LAMB1: variants seen among roughly 807,000 people sequenced by gnomAD.
The protein encoded by LAMB1 is laminin subunit beta 1.
LAMB1 carries 121 observed loss-of-function variants against 222.3 expected under a neutral mutation model. That is an observed-to-expected ratio of 0.54 (90% CI 0.47 to 0.63). The LOEUF is 0.63. Among genes scored for constraint, LAMB1 ranks in the 30% least tolerant of loss-of-function variants. The pLI, the probability that LAMB1 is intolerant of heterozygous loss-of-function variation, is 0.00. For synonymous variants in LAMB1, 794 were observed against 807.2 expected (o/e 0.98, Z 0.28); for missense variants, 2,172 against 2,240.8 (o/e 0.97, Z 0.62).
At chr7:107,981,761 C>T (rs935011095) in intron 7 of LAMB1, among the ~76,000 whole-genome samples, 3 of 152,170 alleles carry the variant, frequency 2.0e-5, no homozygotes, top group Non-Finnish European at 2.9e-5. Context: ...TATCAAAGCA[C>T]TCCAGTTCTC....
intron 28 of LAMB1, 92 bp downstream of exon 28, chr7:107,932,082 G>T: frequency 2.7e-6 from 3 of 1,126,420 alleles, no homozygotes; most frequent in Non-Finnish European, 4.0e-6. Context: ...ATTTCAGTTA[G>T]CATTTAGAAT....
At chr7:107,986,140 T>C (rs748933011) in intron 6 of LAMB1, 35 bp downstream of exon 6, 1 of 1,611,464 alleles carries the variant, frequency 6.2e-7, no homozygotes. Flanking sequence ...AAAGTAGATT[T>C]GCAAGTAGAA....
At chr7:107,931,234 C>T (rs575391225) in intron 29 of LAMB1, 122 bp downstream of exon 29, 17 of 783,476 alleles carry the variant, frequency 2.2e-5, no homozygotes, top group East Asian at 1.0e-4. Flanking sequence ...ATTTAATATA[C>T]GGACGTTTTT....
intron 13 of LAMB1, among the ~76,000 whole-genome samples, chr7:107,965,251 C>G (rs2033607969): frequency 6.6e-6 from 1 of 152,204 alleles, no homozygotes; most frequent in South Asian, 2.1e-4. Context: ...TCTTGTGTCT[C>G]TCTTCCCCCT....
At chr7:107,995,548 A>G (rs7801419) in intron 4 of LAMB1, among the ~76,000 whole-genome samples, 2,068 of 152,360 alleles carry the variant, frequency 0.014, 45 homozygotes, top group African/African-American at 0.047. Flanking sequence ...AACGCCAGAG[A>G]AAAAAAGAAT....
At position 107,924,031 on chromosome 7, in the gene LAMB1, A is replaced by C. The variant is rs771023874; in HGVS notation, c.5281T>G (p.Leu1761Val). The C allele has an allele frequency of 3.8e-6, 6 of 1,589,116 alleles. No homozygotes were observed. The highest frequency in any genetic ancestry group is 3.4e-6 in the Non-Finnish European group (4 of 1,173,928). ...QRYLEDKAQE[L>V]ARLEGEVRSL... Reference sequence around the variant, plus strand: ...CGGACTTCTCCTTCCAGTCTTGCTAATTCTTGAGCTTTATCTTCTAAGTAT... The same window carrying C: ...CGGACTTCTCCTTCCAGTCTTGCTACTTCTTGAGCTTTATCTTCTAAGTAT... Residue 1761 changes from leucine (L) to valine (V), a missense_variant, in exon 34 of 34, where the codon TTA becomes GTA. By Grantham distance (32) the Leu-to-Val change is conservative. Coordinates refer to ENST00000222399, the MANE Select transcript of LAMB1 (RefSeq NM_002291.3).
Position 107,926,375 on chromosome 7 carries a change from T to A in LAMB1, c.4888-16A>T. The A allele has an allele frequency of 6.2e-7, 1 of 1,607,794 alleles. No homozygotes were observed. The highest frequency in any genetic ancestry group is 8.5e-7 in the Non-Finnish European group (1 of 1,175,448). On this transcript the variant is annotated splice_polypyrimidine_tract_variant and intron_variant, in intron 31 of 33. Transcript: ENST00000222399. ...CAGACTCAATCTAAAAGCATGTCAA[T>A]TTTCCAGCAAGACATTAGTTTAAGA...
At chr7:107,942,998 G>A (rs191278423) in intron 24 of LAMB1, among the ~76,000 whole-genome samples, 1 of 152,272 alleles carries the variant, frequency 6.6e-6, no homozygotes, top group Admixed American at 6.5e-5. Flanking sequence ...AAACTTGGGT[G>A]TATGCTTTTC....
At chr7:107,992,759 G>A (rs930243578) in intron 5 of LAMB1, among the ~76,000 whole-genome samples, 1 of 152,184 alleles carries the variant, frequency 6.6e-6, no homozygotes, top group Non-Finnish European at 1.5e-5. Flanking sequence ...GCCAGGTGTG[G>A]TGGCATGTGC....
Position 107,963,051 on chromosome 7 carries a change from C to T in LAMB1, c.1711G>A (p.Val571Met). ...CGGTCCTGGATATATTGCCGCTCCA[C>T]TATGCTAACCCCCTGAGGGCATGGC... ...EANLGPGVSIVERQYIQDRIP... is the reference protein window; with the variant it reads ...EANLGPGVSIMERQYIQDRIP... Residue 571 changes from valine to methionine, a missense_variant, in exon 15 of 34, where the codon GTG (valine) becomes ATG (methionine). Coordinates refer to ENST00000222399, the MANE Select transcript of LAMB1 (RefSeq NM_002291.3). 6.2e-7 allele frequency: 1 copy of T among 1,612,676 alleles called. No homozygotes were observed. The highest frequency in any genetic ancestry group is 8.5e-7 in the Non-Finnish European group (1 of 1,179,310).
intron 3 of LAMB1, 70 bp downstream of exon 3, chr7:108,001,488 A>G: frequency 1.4e-6 from 2 of 1,461,594 alleles, no homozygotes; most frequent in Admixed American, 2.4e-5. Flanking sequence ...CGGAGTCCCC[A>G]GGGCCTGCCC....
At chr7:107,976,231 C>T (rs917859209) in intron 9 of LAMB1, among the ~76,000 whole-genome samples, 3 of 152,124 alleles carry the variant, frequency 2.0e-5, no homozygotes, top group African/African-American at 4.8e-5. Flanking sequence ...CGAGGTGGGA[C>T]TGGATGGAAG....
rs759993110 is a variant in LAMB1, at chr7:107,965,874, G to A, written c.1563-1187C>T. ...CCCACACTTTGGGAGGCCAAGGCAG[G>A]TGGATCACTTGCAGGAGTTTGAGAC... is the stretch of plus-strand genomic sequence containing the variant. On this transcript the variant is annotated intron_variant, in intron 13 of 33. Transcript: ENST00000222399. 6.6e-5 allele frequency among the ~76,000 whole-genome samples: 10 copies of A among 152,056 alleles called. No homozygotes were observed. The South Asian group carries it at 2.1e-3, about 32-fold the overall frequency.
At chr7:107,973,532 C>T (rs1220563163) in intron 12 of LAMB1, among the ~76,000 whole-genome samples, 3 of 151,798 alleles carry the variant, frequency 2.0e-5, no homozygotes, top group African/African-American at 4.8e-5. Flanking sequence ...CACTGAGCCA[C>T]GAGGAAATCA....
At chr7:107,999,926 T>C (rs1317147140) in intron 3 of LAMB1, 1 of 152,136 alleles carries the variant, frequency 6.6e-6, no homozygotes, top group Non-Finnish European at 1.5e-5. Flanking sequence ...TCTCTACATG[T>C]TTAGAGAAAC....
chr7:107,935,159 T>C (rs2032811150), intron 27 of LAMB1, among the ~76,000 whole-genome samples: 1 of 151,962 alleles, frequency 6.6e-6, no homozygotes, highest in South Asian at 2.1e-4. Context: ...TCATGATTCA[T>C]TCTTTAGTTG....
intron 8 of LAMB1, among the ~76,000 whole-genome samples, chr7:107,979,416 C>T (rs1307748280): frequency 6.6e-6 from 1 of 152,190 alleles, no homozygotes; most frequent in Non-Finnish European, 1.5e-5. Context: ...GAGGCCACAG[C>T]TTAGGGGAAG....
At chr7:107,996,502 A>G (rs1257821015) in intron 4 of LAMB1, among the ~76,000 whole-genome samples, 1 of 152,230 alleles carries the variant, frequency 6.6e-6, no homozygotes, top group Non-Finnish European at 1.5e-5. Context: ...GAAAATAGAT[A>G]AAATCACATT....
rs80263124 is a variant in LAMB1, at chr7:107,943,716, G to A, written c.3392-3358C>T. Among the ~76,000 whole-genome samples the A allele has an allele frequency of 3.9e-3, 588 of 152,226 alleles. 6 individuals carry two copies. Among genetic ancestry groups the A allele is most frequent in the African/African-American group, 0.014 (562 of 41,544 alleles). On this transcript the variant is annotated intron_variant, in intron 24 of 33. Transcript: ENST00000222399. ...TATCACGTTCCCAGGAGATACTGATGTTCACAGTCACGCGACCCCGTTTTG... is the reference window on the plus strand; with the variant it reads ...TATCACGTTCCCAGGAGATACTGATATTCACAGTCACGCGACCCCGTTTTG...
Sources: allele counts gnomAD v4.1 joint callset (sites outside exome capture counted in the v4.1 genomes callset), GRCh38; gene constraint gnomAD v4.1.1; transcripts MANE v1.5; gene names NCBI Gene and HGNC (gene_info 2026-07-23, HGNC 2026-07-21).